Variants in TRMT2B observed in about 807,000 individuals in gnomAD.
TRMT2B encodes tRNA methyltransferase 2B.
TRMT2B carries 34 observed loss-of-function variants against 39.7 expected under a neutral mutation model. The ratio of observed to expected loss-of-function variants is 0.86; its 90% CI spans 0.65 to 1.14. The LOEUF (loss-of-function observed/expected upper bound fraction) is 1.14, where lower values mean the gene tolerates loss of function less well. Ranked by LOEUF, TRMT2B falls within the 50% of genes most tolerant of loss-of-function variation. The pLI, the probability that TRMT2B is intolerant of heterozygous loss-of-function variation, is 0.00. For synonymous variants in TRMT2B, 132 were observed against 137.3 expected, an observed-to-expected ratio of 0.96 and a Z score of 0.27; for missense variants, 318 against 377.2, an observed-to-expected ratio of 0.84 and a Z score of 1.30.
intron 7 of TRMT2B, among the ~76,000 whole-genome samples, chrX:101,034,893 G>A (rs1187343354): frequency 8.9e-6 from 1 of 111,747 alleles, no homozygotes; most frequent in Non-Finnish European, 1.9e-5. Flanking sequence ...GTAGCTGGGT[G>A]TGGTGGCATG....
Position 101,041,357 on chromosome X carries a change from A to G in TRMT2B, c.263T>C (p.Val88Ala). The change falls in exon 4 of 14, where the codon GTG (valine) becomes GCG (alanine). Residue 88 changes from valine to alanine, a missense_variant. Transcript: ENST00000372936. ...ATAGCTCAACCTCCAGAGTGGTGTC[A>G]CAACATCAGCCAGCCTTGAATAAAA... Reference protein sequence around the residue: ...GSWQERLADVVTPLWRLSYEE... With the variant: ...GSWQERLADVATPLWRLSYEE... 1 of 1,209,369 alleles carries G rather than the reference A, an allele frequency of 8.3e-7. No individual in the cohort carries two copies. Among genetic ancestry groups the G allele is most frequent in the Non-Finnish European group, 1.1e-6 (1 of 894,246 alleles).
chrX:101,046,163 A>AAATC (rs1340903100), intron 2 of TRMT2B, among the ~76,000 whole-genome samples: 2 of 109,621 alleles, frequency 1.8e-5, no homozygotes, highest in Non-Finnish European at 3.8e-5. Flanking sequence ...AAAAAAAAAA[A>AAATC]AATCAATCAA....
At chrX:101,033,322 C>T (rs988351577) in intron 7 of TRMT2B, among the ~76,000 whole-genome samples, 5 of 108,342 alleles carry the variant, frequency 4.6e-5, no homozygotes, top group East Asian at 2.9e-4. Context: ...AGGCTGGGTG[C>T]GGTGGCTCAC....
At chrX:101,018,351 GAAAAT>G (rs1322003837) in intron 13 of TRMT2B, among the ~76,000 whole-genome samples, 1 of 107,866 alleles carries the variant, frequency 9.3e-6, no homozygotes, top group Non-Finnish European at 1.9e-5. Flanking sequence ...CAAAAGAAAA[GAAAAT>G]ATTGCACTAA....
the TRMT2B span, among the ~76,000 whole-genome samples, chrX:100,992,851 G>A: frequency 9.0e-6 from 1 of 111,325 alleles, no homozygotes; most frequent in African/African-American, 3.3e-5. Flanking sequence ...TGGCAGAAAT[G>A]GTTTTCAAAC....
intron 11 of TRMT2B, 41 bp from the exon 12 acceptor site, chrX:101,019,444 A>G: frequency 8.3e-7 from 1 of 1,205,108 alleles, no homozygotes; most frequent in Non-Finnish European, 1.1e-6. Context: ...CAAGCCCAGC[A>G]GTAAGGGAAA....
In TRMT2B at chrX:101,023,579, G is replaced by A. The variant is rs1461989046; in HGVS notation, c.647C>T (p.Pro216Leu). Residue 216 changes from proline (P) to leucine (L), a missense_variant, in exon 8 of 14, where the codon CCC becomes CTC. Physicochemically the swap from Pro to Leu is moderately conservative, Grantham distance 98. Coordinates refer to ENST00000372936, the MANE Select transcript of TRMT2B (RefSeq NM_024917.6). ...TCCACCTTCATGAAATACAAGGCAG[G>A]GCTCCAATGGAGACTGTCGAAGGAA... ...EVFLRQSPLE[P>L]CLVFHEGGYW... is the part of the protein sequence containing the mutation. The A allele has an allele frequency of 8.3e-6, 10 of 1,207,502 alleles. No homozygotes were observed. The highest frequency in any genetic ancestry group is 1.0e-5 in the Non-Finnish European group (9 of 893,499).
chrX:100,982,208 T>G, the TRMT2B span, among the ~76,000 whole-genome samples: 1 of 110,555 alleles, frequency 9.0e-6, no homozygotes, highest in Non-Finnish European at 1.9e-5. Context: ...GGCCTGGAGG[T>G]GGCTGGGTGT....
intron 4 of TRMT2B, 97 bp downstream of exon 4, chrX:101,041,220 A>T: frequency 1.3e-6 from 1 of 791,505 alleles, no homozygotes; most frequent in Non-Finnish European, 1.8e-6. Flanking sequence ...ACTTAAAATT[A>T]AAAATAAATA....
At chrX:101,049,565 G>C (rs891244478) in intron 2 of TRMT2B, among the ~76,000 whole-genome samples, 3 of 107,486 alleles carry the variant, frequency 2.8e-5, no homozygotes, top group Non-Finnish European at 3.8e-5. Context: ...AGGCCAAGGA[G>C]GGTGGATCAC....
chrX:101,035,670 G>A lies in TRMT2B; in HGVS notation c.552C>T (p.Val184=). The A allele has an allele frequency of 8.3e-7, 1 of 1,207,080 alleles. No individual in the cohort carries two copies. Among genetic ancestry groups the A allele is most frequent in the Non-Finnish European group, 1.1e-6 (1 of 891,326 alleles). ...TTTTCAGATGATTAGACTGCACACA[G>A]ACAACGTTCCCATCTATGGAAAGAA... is the stretch of plus-strand genomic sequence containing the variant. The part of the protein sequence containing the change: ...YLGTWRDGNV[V]CVQSNHLKNI... Residue 184 remains valine, a synonymous_variant, in exon 7 of 14, where the codon GTC becomes GTT. Transcript: ENST00000372936.
the TRMT2B span, among the ~76,000 whole-genome samples, chrX:100,990,154 G>A: frequency 1.8e-5 from 2 of 111,577 alleles, no homozygotes; most frequent in Admixed American, 9.5e-5. Flanking sequence ...AGAGGGGAGA[G>A]AGCAAGAGTG....
chrX:100,991,670 G>T, the TRMT2B span, among the ~76,000 whole-genome samples: 2 of 111,941 alleles, frequency 1.8e-5, no homozygotes, highest in Non-Finnish European at 3.8e-5. Flanking sequence ...CACCGCGCCC[G>T]GCCCACAGTG....
rs188172862 is a variant in TRMT2B at position 101,010,542 on chromosome X, C to T, written c.*39G>A. 8.3e-7 allele frequency: 1 copy of T among 1,204,130 alleles called. No individual in the cohort carries two copies. Among genetic ancestry groups the T allele is most frequent in the African/African-American group, 1.7e-5 (1 of 57,621 alleles). On this transcript the variant is annotated 3_prime_UTR_variant, in exon 14 of 14. Coordinates refer to ENST00000372936, the MANE Select transcript of TRMT2B (RefSeq NM_024917.6). Reference sequence around the variant, plus strand: ...CCAAACCTGAAAGTTTCTGAAACTTCAGCCTTAACAAATAGCCTGCTGTCT... The same window carrying T: ...CCAAACCTGAAAGTTTCTGAAACTTTAGCCTTAACAAATAGCCTGCTGTCT...
At chrX:100,975,204 C>T in the TRMT2B span, among the ~76,000 whole-genome samples, 1 of 112,105 alleles carries the variant, frequency 8.9e-6, no homozygotes, top group African/African-American at 3.2e-5. Flanking sequence ...ATTTCCCATG[C>T]TCTCTGCACA....
chrX:101,029,055 A>G (rs948720921), intron 7 of TRMT2B, among the ~76,000 whole-genome samples: 2 of 111,676 alleles, frequency 1.8e-5, no homozygotes, highest in African/African-American at 6.5e-5. Context: ...ACAGACTAAT[A>G]CACAGAATAA....
In TRMT2B at chrX:101,022,074, A is replaced by G. The variant is rs769081106; in HGVS notation, c.757-12T>C. 3 of 1,182,938 alleles carry G rather than the reference A, an allele frequency of 2.5e-6. No homozygotes were observed. The highest frequency in any genetic ancestry group is 2.3e-6 in the Non-Finnish European group (2 of 869,185). On this transcript the variant is annotated splice_polypyrimidine_tract_variant and intron_variant, in intron 8 of 13. Coordinates refer to ENST00000372936, the MANE Select transcript of TRMT2B (RefSeq NM_024917.6). Reference sequence around the variant, plus strand: ...ACATGGAGCTCCTCCTGCCCAGACCATAAAATTAGCAGTTAAGCAAAGACT... The same window carrying G: ...ACATGGAGCTCCTCCTGCCCAGACCGTAAAATTAGCAGTTAAGCAAAGACT...
chrX:101,032,683 G>A (rs1419942854), intron 7 of TRMT2B, among the ~76,000 whole-genome samples: 2 of 106,681 alleles, frequency 1.9e-5, no homozygotes, highest in Non-Finnish European at 3.8e-5. Flanking sequence ...GGCTGAGGCA[G>A]GAGAATCACT....
intron 12 of TRMT2B, 42 bp from the exon 13 acceptor site, chrX:101,019,112 A>G (rs781705762): frequency 9.1e-7 from 1 of 1,095,721 alleles, no homozygotes; most frequent in East Asian, 3.0e-5. Flanking sequence ...ATTAACTACC[A>G]TGGTCTCTGT....
Sources: gnomAD v4.1 joint callset for allele counts (sites outside exome capture counted in the v4.1 genomes callset) on GRCh38, gnomAD v4.1.1 for gene constraint, MANE v1.5 for transcripts, NCBI Gene and HGNC (gene_info 2026-07-23, HGNC 2026-07-21) for gene names.